Variants in ATG5 observed in about 807,000 individuals in gnomAD.
ATG5 encodes autophagy related 5, also known as autophagy protein 5.
A neutral mutation model predicts 36.5 loss-of-function variants in ATG5; 14 were observed. The ratio of observed to expected loss-of-function variants is 0.38; its 90% confidence interval spans 0.25 to 0.60. The LOEUF (loss-of-function observed/expected upper bound fraction) is 0.60. Among genes scored for constraint, ATG5 ranks in the 20% least tolerant of loss-of-function variants. ATG5 has a pLI of 0.60. For synonymous variants in ATG5, 95 were observed against 101.5 expected, an observed-to-expected ratio of 0.94 and a Z score of 0.38; for missense variants, 195 against 326.7, an observed-to-expected ratio of 0.60 and a Z score of 3.11.
intron 1 of ATG5, among the ~76,000 whole-genome samples, chr6:106,320,122 G>A (rs1771005084): frequency 6.6e-6 from 1 of 152,216 alleles, no homozygotes; most frequent in African/African-American, 2.4e-5. Flanking sequence ...ATAAATGGCG[G>A]AGCCAAAATT....
At chr6:106,238,220 G>T (rs374706743) in intron 6 of ATG5, among the ~76,000 whole-genome samples, 3 of 152,008 alleles carry the variant, frequency 2.0e-5, no homozygotes, top group Non-Finnish European at 4.4e-5. Context: ...GCCCAGGCTG[G>T]AGTACAGTGG....
chr6:106,210,720 C>T (rs1341218110), intron 6 of ATG5, among the ~76,000 whole-genome samples: 1 of 152,142 alleles, frequency 6.6e-6, no homozygotes, highest in Non-Finnish European at 1.5e-5. Flanking sequence ...AATACTTAAA[C>T]CTTCTTGTGT....
At chr6:106,251,640 AGAGAGAGGGAGGGAGGGAGGAAGGGAGG>A (rs1778580741) in intron 5 of ATG5, among the ~76,000 whole-genome samples, 1 of 58,038 alleles carries the variant, frequency 1.7e-5, no homozygotes, top group Non-Finnish European at 3.4e-5. Flanking sequence ...AATCAGAGAG[AGAGAGAGGGAGGGAGGGAGGAAGGGAGG>A]GGGAGGGGGA....
chr6:106,259,446 T>C (rs1000055845), intron 5 of ATG5, among the ~76,000 whole-genome samples: 1 of 152,192 alleles, frequency 6.6e-6, no homozygotes, highest in African/African-American at 2.4e-5. Flanking sequence ...AGCTCAGATA[T>C]CTGAATTGCA....
rs146868184 is a variant in ATG5, at chr6:106,305,069, C to T, written c.236+3295G>A. 4.6e-4 allele frequency among the ~76,000 whole-genome samples: 67 copies of T among 144,346 alleles called. No individual in the cohort carries two copies. In the East Asian group the frequency reaches 0.013, roughly 28 times the overall value. The allele number at this position is 144,346 out of a possible 152,430, so 94.7% of individuals were successfully genotyped here. A position where few individuals can be genotyped will look rare whatever the true frequency, so the allele number is the denominator to read the frequency against. ...TCATGCCATTGCACTCCAGCCTGGG[C>T]GACAAGAGCAAAACTCCGTCTCAAA... On this transcript the variant is annotated intron_variant, in intron 3 of 7. Coordinates refer to ENST00000369076, the MANE Select transcript of ATG5 (RefSeq NM_004849.4).
intron 5 of ATG5, among the ~76,000 whole-genome samples, chr6:106,256,967 T>C (rs963762607): frequency 1.3e-5 from 2 of 152,356 alleles, no homozygotes; most frequent in Admixed American, 1.3e-4. Context: ...ACACTTAGCT[T>C]AAAACAAACA....
At chr6:106,228,298 C>T (rs531993742) in intron 6 of ATG5, among the ~76,000 whole-genome samples, 5 of 152,300 alleles carry the variant, frequency 3.3e-5, no homozygotes, top group African/African-American at 9.6e-5. Flanking sequence ...CTGCCACTGA[C>T]TTCCATCCCT....
intron 5 of ATG5, among the ~76,000 whole-genome samples, chr6:106,274,140 T>C (rs888539613): frequency 6.6e-6 from 1 of 152,110 alleles, no homozygotes; most frequent in Non-Finnish European, 1.5e-5. Flanking sequence ...AGCAAGAAAC[T>C]AAGTCATGGT....
chr6:106,237,236 A>G (rs537044359), intron 6 of ATG5, among the ~76,000 whole-genome samples: 1 of 152,232 alleles, frequency 6.6e-6, no homozygotes. Flanking sequence ...ACTAAACCCA[A>G]TAAGAGGAAA....
In ATG5 at chr6:106,312,353, T is replaced by C. The variant is rs186108979; in HGVS notation, c.108+3748A>G. Among the ~76,000 whole-genome samples, 13 of 152,224 alleles carry C rather than the reference T, an allele frequency of 8.5e-5. No homozygotes were observed. The East Asian group carries it at 2.5e-3, about 29-fold the overall frequency. Reference sequence around the variant, plus strand: ...AAATAATGCAGAGGACCAGATTTTTTTGGGGGGAAAGCTGATGAGTCCAGT... The same window carrying C: ...AAATAATGCAGAGGACCAGATTTTTCTGGGGGGAAAGCTGATGAGTCCAGT... On this transcript the variant is annotated intron_variant, in intron 2 of 7. Coordinates refer to ENST00000369076, the MANE Select transcript of ATG5 (RefSeq NM_004849.4).
intron 2 of ATG5, among the ~76,000 whole-genome samples, chr6:106,312,138 T>G (rs1288535662): frequency 2.0e-5 from 3 of 152,092 alleles, no homozygotes; most frequent in Non-Finnish European, 2.9e-5. Flanking sequence ...GCCTGATCAG[T>G]TTTTAAGCAG....
At chr6:106,269,851 C>T (rs1333817957) in intron 5 of ATG5, among the ~76,000 whole-genome samples, 1 of 152,228 alleles carries the variant, frequency 6.6e-6, no homozygotes, top group Non-Finnish European at 1.5e-5. Flanking sequence ...AAAGGGGCTC[C>T]CACAGTGCAG....
chr6:106,207,881 C>T (rs1776699681), intron 6 of ATG5, among the ~76,000 whole-genome samples: 2 of 152,100 alleles, frequency 1.3e-5, no homozygotes, highest in South Asian at 2.1e-4. Flanking sequence ...ATCACGAGGT[C>T]GGGAGTCCGA....
At chr6:106,260,938 C>T (rs78460498) in intron 5 of ATG5, among the ~76,000 whole-genome samples, 11,389 of 152,192 alleles carry the variant, frequency 0.075, 729 homozygotes, top group Admixed American at 0.22. Context: ...ATTCTCAATA[C>T]AAATGATTTC....
intron 7 of ATG5, among the ~76,000 whole-genome samples, chr6:106,194,805 T>C (rs867458298): frequency 2.0e-5 from 3 of 152,182 alleles, no homozygotes; most frequent in Non-Finnish European, 4.4e-5. Context: ...CACGTTGTTA[T>C]ACATTACATT....
At chr6:106,307,208 C>T (rs1458174940) in intron 3 of ATG5, among the ~76,000 whole-genome samples, 1 of 152,178 alleles carries the variant, frequency 6.6e-6, no homozygotes, top group Non-Finnish European at 1.5e-5. Context: ...TTTCATCTGT[C>T]CTAAAGCTCT....
chr6:106,251,357 C>T (rs542098818), intron 5 of ATG5, among the ~76,000 whole-genome samples: 1 of 152,074 alleles, frequency 6.6e-6, no homozygotes, highest in South Asian at 2.1e-4. Flanking sequence ...GCAGGTGGGA[C>T]CCCTTACAAG....
At chr6:106,243,465 C>T (rs765003298) in intron 6 of ATG5, among the ~76,000 whole-genome samples, 1 of 150,784 alleles carries the variant, frequency 6.6e-6, no homozygotes, top group African/African-American at 2.4e-5. Flanking sequence ...AAGGCAGAGG[C>T]TGTAGTGAGC....
chr6:106,246,832 A>G (rs994710528), intron 6 of ATG5, among the ~76,000 whole-genome samples: 3 of 152,236 alleles, frequency 2.0e-5, no homozygotes, highest in African/African-American at 7.2e-5. Context: ...TGTGGAGCTC[A>G]TGGTAAAATA....
Sources: gnomAD v4.1 joint callset for allele counts (sites outside exome capture counted in the v4.1 genomes callset) on GRCh38, gnomAD v4.1.1 for gene constraint, MANE v1.5 for transcripts, NCBI Gene and HGNC (gene_info 2026-07-23, HGNC 2026-07-21) for gene names.